DPYD: variants seen among roughly 807,000 people sequenced by gnomAD.
The protein encoded by DPYD is dihydropyrimidine dehydrogenase [NADP(+)].
In DPYD, 109 loss-of-function variants were observed where a neutral mutation model predicts 116.2. The ratio of observed to expected loss-of-function variants is 0.94; its 90% CI spans 0.80 to 1.10. The LOEUF (loss-of-function observed/expected upper bound fraction) is 1.10, where lower values mean the gene tolerates loss of function less well. Ranked by LOEUF, DPYD falls within the 50% of genes least tolerant of loss-of-function variation. The pLI is 0.00. For missense variants in DPYD, 1,302 were observed against 1,254.5 expected (o/e 1.04, Z -0.57); for synonymous variants, 440 against 432.0 (o/e 1.02, Z -0.23).
chr1:97,895,809 T>A lies in DPYD; in HGVS notation c.40-12435A>T, dbSNP rs367749381. 8.6e-5 allele frequency among the ~76,000 whole-genome samples: 13 copies of A among 151,886 alleles called. No individual in the cohort carries two copies. The East Asian group carries it at 1.9e-3, about 23-fold the overall frequency. ...AGTAATATTTTGTATTCTTAATTAA[T>A]ACACTTTGTTTCAATGCCTAGAGAG... is the stretch of plus-strand genomic sequence containing the variant. On this transcript the variant is annotated intron_variant, in intron 1 of 22. Transcript: ENST00000370192.
In DPYD at chr1:97,740,611, T is replaced by G. The variant is rs967517599; in HGVS notation, c.234-132A>C. ...GTATCATTTTTAGGTACAAAACATT[T>G]TTAAGCAATAAATACAAAGTTTCTG... On this transcript the variant is annotated intron_variant, in intron 3 of 22. Transcript: ENST00000370192. 5.1e-6 allele frequency: 4 copies of G among 778,076 alleles called. No homozygotes were observed. The African/African-American group carries it at 7.0e-5, about 14-fold the overall frequency. The allele number at this position is 778,076 out of a possible 1,614,324, so 48.2% of individuals were successfully genotyped here.
At chr1:97,832,928 T>C (rs1456068624) in intron 2 of DPYD, among the ~76,000 whole-genome samples, 1 of 972 alleles carries the variant, frequency 1.0e-3, no homozygotes, top group Non-Finnish European at 2.6e-3. Context: ...GCTCAAATTA[T>C]ACCAAAAAAA....
intron 13 of DPYD, among the ~76,000 whole-genome samples, chr1:97,460,202 T>C (rs930648899): frequency 9.2e-5 from 14 of 152,206 alleles, no homozygotes; most frequent in African/African-American, 3.1e-4. Flanking sequence ...ACTCTAAGAT[T>C]GTATGTTTTG....
intron 18 of DPYD, among the ~76,000 whole-genome samples, chr1:97,254,864 T>C (rs1366521515): frequency 2.0e-5 from 3 of 152,186 alleles, no homozygotes; most frequent in Non-Finnish European, 4.4e-5. Context: ...GCTAAGTGTA[T>C]GTCAAGAGGC....
chr1:97,449,115 G>A (rs527495427), intron 14 of DPYD, among the ~76,000 whole-genome samples: 1 of 152,092 alleles, frequency 6.6e-6, no homozygotes, highest in Admixed American at 6.5e-5. Flanking sequence ...GTAAGAATTT[G>A]CAATTTATCA....
intron 4 of DPYD, among the ~76,000 whole-genome samples, chr1:97,726,105 T>C (rs1053518574): frequency 1.3e-5 from 2 of 151,588 alleles, no homozygotes; most frequent in Admixed American, 6.6e-5. Context: ...GGCAATGACC[T>C]GTAGGGCAAT....
chr1:97,545,954 C>T lies in DPYD; in HGVS notation c.1524+3606G>A, dbSNP rs1180470533. The T allele has an allele frequency of 2.5e-6, 3 of 1,217,710 alleles. No homozygotes were observed. The African/African-American group carries it at 4.5e-5, about 18-fold the overall frequency. 75.4% of individuals were successfully genotyped at this position (1,217,710 alleles called of 1,614,324 possible). A position where few individuals can be genotyped will look rare whatever the true frequency, so the allele number is the denominator to read the frequency against. ...AATCAGATTGTCATACTCTACTGCA[C>T]TTCCTTGAAGATGAAAAATATGAAG... is the stretch of plus-strand genomic sequence containing the variant. On this transcript the variant is annotated intron_variant, in intron 12 of 22. Transcript: ENST00000370192.
intron 10 of DPYD, among the ~76,000 whole-genome samples, chr1:97,577,464 G>A (rs979443858): frequency 3.9e-5 from 6 of 151,998 alleles, no homozygotes; most frequent in Non-Finnish European, 8.8e-5. Flanking sequence ...AATTTCCCAC[G>A]AGAAACCTGT....
At chr1:97,235,486 TG>T in intron 18 of DPYD, among the ~76,000 whole-genome samples, 1 of 152,112 alleles carries the variant, frequency 6.6e-6, no homozygotes, top group East Asian at 1.9e-4. Context: ...TAACCAGGCG[TG>T]GTGGCAGGCT....
chr1:97,844,066 T>A (rs1048070466), intron 2 of DPYD, among the ~76,000 whole-genome samples: 1 of 151,982 alleles, frequency 6.6e-6, no homozygotes, highest in African/African-American at 2.4e-5. Flanking sequence ...ATTTTCAAGA[T>A]CTTAACAAAG....
intron 5 of DPYD, chr1:97,720,964 T>C: frequency 1.2e-6 from 2 of 1,600,572 alleles, no homozygotes; most frequent in African/African-American, 1.3e-5. Flanking sequence ...TCTCATTTTA[T>C]TTCCTTATAC....
At chr1:97,527,774 C>T (rs1485654439) in intron 12 of DPYD, among the ~76,000 whole-genome samples, 12 of 118,984 alleles carry the variant, frequency 1.0e-4, no homozygotes, top group Non-Finnish European at 1.7e-4. Context: ...TCCTGATTTG[C>T]TTTGCTAGAA....
chr1:97,450,342 G>T, intron 13 of DPYD, 119 bp from the exon 14 acceptor site: 1 of 1,048,944 alleles, frequency 9.5e-7, no homozygotes, highest in Non-Finnish European at 1.4e-6. Flanking sequence ...TTTTGCAGAG[G>T]AATTTTTAAT....
At chr1:97,147,918 T>C (rs1202445012) in intron 20 of DPYD, among the ~76,000 whole-genome samples, 1 of 152,160 alleles carries the variant, frequency 6.6e-6, no homozygotes, top group East Asian at 1.9e-4. Flanking sequence ...AGCATTTTCT[T>C]TTACCCTAAG....
chr1:97,837,961 A>G (rs1669847700), intron 2 of DPYD, among the ~76,000 whole-genome samples: 1 of 152,186 alleles, frequency 6.6e-6, no homozygotes, highest in Non-Finnish European at 1.5e-5. Flanking sequence ...ATCATCTGAT[A>G]CTATCCAATT....
rs777220476 is a variant in DPYD at position 97,595,166 on chromosome 1, C to A, written c.851G>T (p.Gly284Val). 8.1e-6 allele frequency: 13 copies of A among 1,612,270 alleles called. No individual in the cohort carries two copies. The highest frequency in any genetic ancestry group is 1.7e-5 in the Admixed American group (1 of 59,960). ...KGYKAAFIGI[G>V]LPEPNKDAIF... ...GGCATCTTTATTGGGTTCTGGCAAA[C>A]CTAAGTAATCAAATTTATAAAATAT... is the stretch of plus-strand genomic sequence containing the variant. Residue 284 changes from glycine to valine, a missense_variant and splice_region_variant, in exon 9 of 23, where the codon GGT becomes GTT. Physicochemically the swap from Gly to Val is moderately radical, Grantham distance 109. Coordinates refer to ENST00000370192, the MANE Select transcript of DPYD (RefSeq NM_000110.4).
intron 18 of DPYD, chr1:97,279,934 C>A (rs1213970113): frequency 6.6e-6 from 1 of 152,178 alleles, no homozygotes; most frequent in Non-Finnish European, 1.5e-5. Flanking sequence ...TACCATTCAT[C>A]CACTGATCCC....
intron 2 of DPYD, among the ~76,000 whole-genome samples, chr1:97,871,954 T>C (rs1486391659): frequency 2.0e-5 from 3 of 151,912 alleles, no homozygotes; most frequent in African/African-American, 4.8e-5. Context: ...ACTATGCACA[T>C]TGACTCATTT....
intron 2 of DPYD, among the ~76,000 whole-genome samples, chr1:97,852,708 A>G (rs1445089910): frequency 1.3e-5 from 2 of 152,134 alleles, no homozygotes; most frequent in African/African-American, 2.4e-5. Context: ...TTGACTCCCA[A>G]TAGATTTTCT....
Sources: allele counts gnomAD v4.1 joint callset (sites outside exome capture counted in the v4.1 genomes callset), GRCh38; gene constraint gnomAD v4.1.1; transcripts MANE v1.5; gene names NCBI Gene and HGNC (gene_info 2026-07-23, HGNC 2026-07-21).